Variants in AKAP13 observed in about 807,000 individuals in gnomAD.
AKAP13 encodes A-kinase anchoring protein 13, also known as A-kinase anchor protein 13.
AKAP13 carries 80 observed loss-of-function variants against 264.5 expected under a neutral mutation model. The ratio of observed to expected loss-of-function variants is 0.30; its 90% CI spans 0.25 to 0.36. AKAP13 has a LOEUF of 0.36. Among genes scored for constraint, AKAP13 ranks in the 10% least tolerant of loss-of-function variants. The pLI is 1.00. For synonymous variants in AKAP13, 1,380 were observed against 1,250.2 expected, an observed-to-expected ratio of 1.10 and a Z score of -2.19; for missense variants, 3,712 against 3,435.2, an observed-to-expected ratio of 1.08 and a Z score of -2.01.
chr15:85,484,279 G>A (rs890089643), intron 1 of AKAP13, among the ~76,000 whole-genome samples: 2 of 143,862 alleles, frequency 1.4e-5, no homozygotes, highest in African/African-American at 2.7e-5. Flanking sequence ...AATTGACTTT[G>A]TTCTTCTAAA....
At chr15:85,662,299 T>G in intron 12 of AKAP13, 1 of 1,337,194 alleles carries the variant, frequency 7.5e-7, no homozygotes, top group Non-Finnish European at 1.1e-6. Context: ...TGTCTCTAAC[T>G]ATGCCCTTCG....
At chr15:85,693,753 G>GTACACTCAT (rs1261872966) in intron 17 of AKAP13, among the ~76,000 whole-genome samples, 2 of 152,132 alleles carry the variant, frequency 1.3e-5, no homozygotes, top group Admixed American at 6.5e-5. Flanking sequence ...TTGAGTGCTG[G>GTACACTCAT]TACACTCATT....
intron 2 of AKAP13, among the ~76,000 whole-genome samples, chr15:85,506,020 G>A (rs1372270139): frequency 1.3e-5 from 2 of 152,200 alleles, no homozygotes; most frequent in Admixed American, 6.5e-5. Flanking sequence ...CAGGCCGGGC[G>A]TGGTGGCTCA....
chr15:85,386,018 C>A (rs552020129), intron 1 of AKAP13, among the ~76,000 whole-genome samples: 99 of 151,960 alleles, frequency 6.5e-4, no homozygotes, highest in Middle Eastern at 6.8e-3. Flanking sequence ...AGAGATGGGG[C>A]TTTTCCATGT....
At chr15:85,622,625 A>T (rs1298581483) in intron 8 of AKAP13, among the ~76,000 whole-genome samples, 1 of 152,176 alleles carries the variant, frequency 6.6e-6, no homozygotes, top group African/African-American at 2.4e-5. Flanking sequence ...TTGTGGTCTG[A>T]AGTGGGAAGA....
intron 4 of AKAP13, among the ~76,000 whole-genome samples, chr15:85,538,563 C>T (rs1214569465): frequency 1.3e-5 from 2 of 149,782 alleles, no homozygotes; most frequent in Non-Finnish European, 3.0e-5. Flanking sequence ...GATCTCAGCT[C>T]ACTGCAAGCT....
In AKAP13 at chr15:85,727,968, G is replaced by T. The variant is rs2087718124; in HGVS notation, c.7087+505G>T. Among the ~76,000 whole-genome samples the T allele has an allele frequency of 6.6e-6, 1 of 152,178 alleles. No individual in the cohort carries two copies. Among genetic ancestry groups the T allele is most frequent in the African/African-American group, 2.4e-5 (1 of 41,444 alleles). On this transcript the variant is annotated intron_variant, in intron 29 of 36. Coordinates refer to ENST00000394518, the MANE Select transcript of AKAP13 (RefSeq NM_007200.5). The surrounding 1 kb of genome is among the most constrained non-coding windows in gnomAD (Gnocchi z 5.3). ...GTTTGACCCTTATTTATTGAGTGCTGACTGTTTTGTGTAGTCTTGTCAGTA... is the reference window on the plus strand; with the variant it reads ...GTTTGACCCTTATTTATTGAGTGCTTACTGTTTTGTGTAGTCTTGTCAGTA...
intron 1 of AKAP13, among the ~76,000 whole-genome samples, chr15:85,390,816 GGT>G (rs900572908): frequency 6.6e-6 from 1 of 152,168 alleles, no homozygotes; most frequent in Non-Finnish European, 1.5e-5. Context: ...AGGATTCCTA[GGT>G]GTTTTACCTG....
chr15:85,477,790 T>A (rs2075221526), intron 1 of AKAP13, among the ~76,000 whole-genome samples: 1 of 152,036 alleles, frequency 6.6e-6, no homozygotes, highest in Non-Finnish European at 1.5e-5. Flanking sequence ...TCACAGTGGT[T>A]TATGTATTTT....
intron 8 of AKAP13, among the ~76,000 whole-genome samples, chr15:85,604,334 C>T (rs1322457258): frequency 6.6e-6 from 1 of 152,154 alleles, no homozygotes; most frequent in Non-Finnish European, 1.5e-5. Flanking sequence ...TAGGAAGGTC[C>T]TCATTGATAA....
At chr15:85,665,543 T>C (rs569574279) in intron 13 of AKAP13, among the ~76,000 whole-genome samples, 125 of 152,344 alleles carry the variant, frequency 8.2e-4, no homozygotes, top group South Asian at 1.7e-3. Context: ...ATTATTATTT[T>C]TACACTTTAA....
chr15:85,659,618 C>A (rs1194691292), intron 12 of AKAP13, among the ~76,000 whole-genome samples: 2 of 148,506 alleles, frequency 1.3e-5, no homozygotes, highest in South Asian at 4.2e-4. Flanking sequence ...TTTGGAGATA[C>A]GTTTGTCTGG....
At chr15:85,726,520 T>A (rs1216082041) in intron 27 of AKAP13, 34 bp downstream of exon 27, 1 of 1,553,352 alleles carries the variant, frequency 6.4e-7, no homozygotes, top group African/African-American at 1.4e-5. Context: ...AATAGTATTA[T>A]AAGCAGCTAG....
At chr15:85,571,024 A>G (rs947240385) in intron 5 of AKAP13, among the ~76,000 whole-genome samples, 1 of 151,998 alleles carries the variant, frequency 6.6e-6, no homozygotes, top group Non-Finnish European at 1.5e-5. Flanking sequence ...ATCACTGAGA[A>G]AGGAGAAAAG....
intron 1 of AKAP13, among the ~76,000 whole-genome samples, chr15:85,466,124 T>C (rs1325092888): frequency 7.9e-5 from 12 of 152,020 alleles, no homozygotes; most frequent in Admixed American, 7.9e-4. Flanking sequence ...CATTTTTTCA[T>C]GTGTTTTTTG....
Position 85,655,431 on chromosome 15 carries a change from T to C in AKAP13, c.4389T>C (p.His1463=). 1 of 1,613,764 alleles carries C rather than the reference T, an allele frequency of 6.2e-7. No individual in the cohort carries two copies. Among genetic ancestry groups the C allele is most frequent in the Non-Finnish European group, 8.5e-7 (1 of 1,179,720 alleles). Residue 1463 remains histidine, a synonymous_variant, in exon 11 of 37, where the codon CAT becomes CAC. Coordinates refer to ENST00000394518, the MANE Select transcript of AKAP13 (RefSeq NM_007200.5). ...CTCCATTACAGCCAGAGGAAGAGCATTTGGCCTGTGATATCACCGGATCCA... is the reference window on the plus strand; with the variant it reads ...CTCCATTACAGCCAGAGGAAGAGCACTTGGCCTGTGATATCACCGGATCCA... ...SIIFPKPEEE[H]LACDITGSSS...
intron 1 of AKAP13, among the ~76,000 whole-genome samples, chr15:85,439,039 A>G (rs1277669238): frequency 4.7e-5 from 7 of 149,218 alleles, no homozygotes; most frequent in African/African-American, 1.5e-4. Context: ...GCAACCTACA[A>G]AATGGGAGAA....
Position 85,724,949 on chromosome 15 carries a change from T to C in AKAP13, c.6746-1461T>C, listed in dbSNP as rs954758504. The stretch of plus-strand genomic sequence containing the variant: ...TAAGGCTCCTTCCCTCCAGTCTTAA[T>C]ATTCCATGATGTTCTGAGAGCCCTA... On this transcript the variant is annotated intron_variant, in intron 26 of 36. Transcript: ENST00000394518. The surrounding 1 kb of genome is among the most constrained non-coding windows in gnomAD (Gnocchi z 4.2). Among the ~76,000 whole-genome samples the C allele has an allele frequency of 1.3e-5, 2 of 152,224 alleles. No individual in the cohort carries two copies. The highest frequency in any genetic ancestry group is 4.8e-5 in the African/African-American group (2 of 41,470).
intron 16 of AKAP13, among the ~76,000 whole-genome samples, chr15:85,688,433 AG>A (rs2085070139): frequency 6.6e-6 from 1 of 152,238 alleles, no homozygotes. Flanking sequence ...CATCTTTTAA[AG>A]GAAAAATTTA....
Sources: gnomAD v4.1 joint callset for allele counts (sites outside exome capture counted in the v4.1 genomes callset) on GRCh38, gnomAD v4.1.1 for gene constraint, Gnocchi (gnomAD v3.1) non-coding constraint, MANE v1.5 for transcripts, NCBI Gene and HGNC (gene_info 2026-07-23, HGNC 2026-07-21) for gene names.